Variants in STK32A observed in about 807,000 individuals in gnomAD.
The protein encoded by STK32A is serine/threonine kinase 32A, also known as serine/threonine-protein kinase 32A.
A neutral mutation model predicts 53.2 loss-of-function variants in STK32A; 41 were observed. The observed-to-expected ratio is 0.77, with a 90% confidence interval of 0.60 to 1.00. The LOEUF (loss-of-function observed/expected upper bound fraction) is 1.00. Ranked by LOEUF, STK32A falls within the 50% of genes least tolerant of loss-of-function variation. The probability of loss-of-function intolerance (pLI) is 0.00; values close to 1 mark genes in which losing one functional copy is unlikely to be tolerated. For missense variants in STK32A, 458 were observed against 485.8 expected, an observed-to-expected ratio of 0.94 and a Z score of 0.54; for synonymous variants, 166 against 162.8, an observed-to-expected ratio of 1.02 and a Z score of -0.15.
At chr5:147,354,124 T>G (rs139064573) in intron 7 of STK32A, among the ~76,000 whole-genome samples, 12 of 152,312 alleles carry the variant, frequency 7.9e-5, no homozygotes, top group African/African-American at 2.9e-4. Context: ...TTTGAACAAC[T>G]GCAAATTTCA....
At chr5:147,268,644 C>T (rs1161544703) in intron 2 of STK32A, among the ~76,000 whole-genome samples, 1 of 152,138 alleles carries the variant, frequency 6.6e-6, no homozygotes, top group East Asian at 1.9e-4. Flanking sequence ...TCTCTACATT[C>T]AGCCAGTTCC....
intron 2 of STK32A, among the ~76,000 whole-genome samples, chr5:147,250,591 G>C (rs1753943740): frequency 6.6e-6 from 1 of 152,164 alleles, no homozygotes; most frequent in Non-Finnish European, 1.5e-5. Context: ...AAGCAGTTTA[G>C]TGGAGTGTGG....
At chr5:147,335,964 C>G (rs1021819003) in intron 5 of STK32A, among the ~76,000 whole-genome samples, 6 of 152,180 alleles carry the variant, frequency 3.9e-5, no homozygotes, top group Non-Finnish European at 8.8e-5. Context: ...GCTGCACAGT[C>G]GAGATCTGAG....
At chr5:147,286,638 G>T (rs1415381819) in intron 4 of STK32A, among the ~76,000 whole-genome samples, 1 of 151,956 alleles carries the variant, frequency 6.6e-6, no homozygotes, top group African/African-American at 2.4e-5. Flanking sequence ...TTACATAAAT[G>T]CATCTTGATT....
the STK32A span, among the ~76,000 whole-genome samples, chr5:147,397,341 C>T: frequency 1.3e-5 from 2 of 151,304 alleles, no homozygotes; most frequent in African/African-American, 2.4e-5. Flanking sequence ...TCTCGGTTCT[C>T]ACCTTCAGAC....
intron 4 of STK32A, among the ~76,000 whole-genome samples, chr5:147,281,708 C>A (rs1362402024): frequency 2.0e-5 from 3 of 152,074 alleles, no homozygotes; most frequent in Admixed American, 6.6e-5. Flanking sequence ...AGGAAAACTT[C>A]CCCGGCCTTG....
the STK32A span, chr5:147,395,412 G>T: frequency 1.1e-6 from 1 of 934,632 alleles, no homozygotes; most frequent in Non-Finnish European, 1.6e-6. Context: ...CTTCCTGCTT[G>T]CCCCAGTAAC....
chr5:147,272,644 G>C (rs1258961025), intron 2 of STK32A, among the ~76,000 whole-genome samples: 1 of 152,172 alleles, frequency 6.6e-6, no homozygotes, highest in Non-Finnish European at 1.5e-5. Context: ...GTTAATGGTT[G>C]CTTCATGGAA....
chr5:147,286,806 AAT>A (rs905305765), intron 4 of STK32A, among the ~76,000 whole-genome samples: 2 of 152,024 alleles, frequency 1.3e-5, no homozygotes, highest in African/African-American at 4.8e-5. Context: ...CCTTGAGGTC[AAT>A]ATATATATAT....
intron 2 of STK32A, among the ~76,000 whole-genome samples, chr5:147,243,982 T>C (rs4705027): frequency 0.41 from 62,372 of 151,854 alleles, 12,942 homozygotes; most frequent in Admixed American, 0.45. Flanking sequence ...ACTACCCATC[T>C]TCAGAACATT....
intron 4 of STK32A, among the ~76,000 whole-genome samples, chr5:147,309,135 T>C (rs1300032004): frequency 6.6e-6 from 1 of 151,972 alleles, no homozygotes; most frequent in Non-Finnish European, 1.5e-5. Flanking sequence ...GGTGGTGAGA[T>C]GAATGTGACT....
intron 4 of STK32A, among the ~76,000 whole-genome samples, chr5:147,299,862 T>C (rs1453906524): frequency 1.3e-5 from 2 of 152,188 alleles, no homozygotes; most frequent in Non-Finnish European, 2.9e-5. Flanking sequence ...ATCACGATGA[T>C]AATGAGCCAG....
At chr5:147,401,976 AAATAT>A in the STK32A span, 2 of 318,848 alleles carry the variant, frequency 6.3e-6, no homozygotes, top group Non-Finnish European at 1.1e-5. Flanking sequence ...AAAGAAAATA[AAATAT>A]ACATATTGAT....
chr5:147,392,802 G>A (rs1408086658), downstream of STK32A: 2 of 152,214 alleles, frequency 1.3e-5, no homozygotes, highest in Non-Finnish European at 2.9e-5. Context: ...AATGGAAGGG[G>A]AAACAGGTGG....
intron 7 of STK32A, among the ~76,000 whole-genome samples, chr5:147,352,096 C>T (rs2151993959): frequency 6.6e-6 from 1 of 152,262 alleles, no homozygotes; most frequent in South Asian, 2.1e-4. Context: ...TCTGTGGTCC[C>T]AGCTGCTTTG....
chr5:147,376,483 A>G (rs558489175), intron 11 of STK32A, among the ~76,000 whole-genome samples: 29 of 152,306 alleles, frequency 1.9e-4, no homozygotes, highest in African/African-American at 7.0e-4. Context: ...AACATGTGAT[A>G]AAAACCAAGA....
chr5:147,314,883 T>A (rs1481538891), intron 4 of STK32A, among the ~76,000 whole-genome samples: 1 of 152,060 alleles, frequency 6.6e-6, no homozygotes, highest in Non-Finnish European at 1.5e-5. Context: ...TAGCTGGGAC[T>A]GCAGGCATGT....
rs35266758 is a variant in STK32A at position 147,365,492 on chromosome 5, C to CT, written c.660+3888dup. ...TTACCTGTTTTTATCTCCTGATGGG[C>CT]TTTTTTTTTTCAAGTTTCTAAATAA... On this transcript the variant is annotated intron_variant, in intron 8 of 12. Coordinates refer to ENST00000397936, the MANE Select transcript of STK32A (RefSeq NM_001112724.2). Among the ~76,000 whole-genome samples, 2,044 of 146,732 alleles carry CT rather than the reference C, an allele frequency of 0.014. 145 individuals are homozygous for CT. The East Asian group carries it at 0.21, about 15-fold the overall frequency.
At chr5:147,376,784 T>A (rs1412296447) in intron 11 of STK32A, among the ~76,000 whole-genome samples, 2 of 152,220 alleles carry the variant, frequency 1.3e-5, no homozygotes, top group Non-Finnish European at 2.9e-5. Flanking sequence ...TCTCATTCTT[T>A]ATACCTTAAA....
Sources: gnomAD v4.1 joint callset for allele counts (sites outside exome capture counted in the v4.1 genomes callset) on GRCh38, gnomAD v4.1.1 for gene constraint, MANE v1.5 for transcripts, NCBI Gene and HGNC (gene_info 2026-07-23, HGNC 2026-07-21) for gene names.